IL19: variants seen among roughly 807,000 people sequenced by gnomAD.
The protein encoded by IL19 is interleukin 19.
In IL19, 15 loss-of-function variants were observed where a neutral mutation model predicts 19.5. The observed-to-expected ratio is 0.77, with a 90% CI of 0.52 to 1.19. The LOEUF (loss-of-function observed/expected upper bound fraction) is 1.19, where lower values mean the gene tolerates loss of function less well. Ranked by LOEUF, IL19 falls within the 50% of genes most tolerant of loss-of-function variation. The pLI is 0.00. For missense variants in IL19, 199 were observed against 213.1 expected, an observed-to-expected ratio of 0.93 and a Z score of 0.41; for synonymous variants, 78 against 78.3, an observed-to-expected ratio of 1.00 and a Z score of 0.02.
intron 2 of IL19, among the ~76,000 whole-genome samples, chr1:206,817,443 T>G (rs1050683868): frequency 2.0e-5 from 3 of 152,246 alleles, no homozygotes; most frequent in African/African-American, 7.2e-5. Flanking sequence ...TGTCATTATA[T>G]TGGCTTCTAG....
chr1:206,788,920 C>G (rs1441558101), intron 1 of IL19, among the ~76,000 whole-genome samples: 1 of 152,098 alleles, frequency 6.6e-6, no homozygotes, highest in Non-Finnish European at 1.5e-5. Flanking sequence ...TGTGTGGTGC[C>G]TGTGTGTGTA....
At chr1:206,796,090 A>G (rs1038245269) in intron 1 of IL19, among the ~76,000 whole-genome samples, 2 of 152,054 alleles carry the variant, frequency 1.3e-5, no homozygotes, top group South Asian at 2.1e-4. Flanking sequence ...GGAGAGTCCC[A>G]TGGTCTAGAT....
chr1:206,772,510 T>C lies in IL19; in HGVS notation c.-149+1432T>C, dbSNP rs1013262708. On this transcript the variant is annotated intron_variant, in intron 1 of 6. Coordinates refer to ENST00000659997, the MANE Select transcript of IL19 (RefSeq NM_153758.5). ...CCTGATGTGTAGACCTTCACCTCTC[T>C]GTCCCCCTTTTATATTGTAAGCTCA... The C allele has an allele frequency of 1.8e-5, 25 of 1,360,554 alleles. No individual in the cohort carries two copies. In the Admixed American group the frequency reaches 3.3e-4, roughly 18 times the overall value. The allele number at this position is 1,360,554 out of a possible 1,614,324, so 84.3% of individuals were successfully genotyped here. A position where few individuals can be genotyped will look rare whatever the true frequency, so the allele number is the denominator to read the frequency against.
In IL19 at chr1:206,772,171, G is replaced by A. The variant is rs1674869206; in HGVS notation, c.-149+1093G>A. 13 of 999,792 alleles carry A rather than the reference G, an allele frequency of 1.3e-5. No homozygotes were observed. The South Asian group carries it at 1.6e-4, about 12-fold the overall frequency. The allele number at this position is 999,792 out of a possible 1,614,324, so 61.9% of individuals were successfully genotyped here. On this transcript the variant is annotated intron_variant, in intron 1 of 6. Transcript: ENST00000659997. ...GTTTGGGGGAATAGGTGTTGGGGAT[G>A]GAGGTGGAGGCGCAGGAGGAGGGTT...
rs866121727 is a variant in IL19, at chr1:206,837,837, T to C, written c.210+814T>C. Reference sequence around the variant, plus strand: ...AATGCACTCCAGCCTGGGTGCCAGATTGAGACACCCAAAAAGAATAAAAGA... The same window carrying C: ...AATGCACTCCAGCCTGGGTGCCAGACTGAGACACCCAAAAAGAATAAAAGA... On this transcript the variant is annotated intron_variant, in intron 4 of 6. Transcript: ENST00000659997. 7.2e-5 allele frequency among the ~76,000 whole-genome samples: 11 copies of C among 152,092 alleles called. 1 individual carries two copies. In the Middle Eastern group the frequency reaches 0.014, roughly 188 times the overall value.
In IL19 at chr1:206,813,903, T is replaced by C. The variant is rs137910117; in HGVS notation, c.-3+14897T>C. Among the ~76,000 whole-genome samples, 243 of 152,324 alleles carry C rather than the reference T, an allele frequency of 1.6e-3. 3 individuals are homozygous for C. Among genetic ancestry groups the C allele is most frequent in the African/African-American group, 5.7e-3 (236 of 41,576 alleles). On this transcript the variant is annotated intron_variant, in intron 2 of 6. Coordinates refer to ENST00000659997, the MANE Select transcript of IL19 (RefSeq NM_153758.5). ...CTGAAGAGCAAAAACTGAGGTTTCC[T>C]GGAGGAAGAAGAAATTCTCAAGACT... is the stretch of plus-strand genomic sequence containing the variant.
intron 1 of IL19, among the ~76,000 whole-genome samples, chr1:206,788,767 C>T (rs1185092876): frequency 1.3e-5 from 2 of 152,208 alleles, no homozygotes; most frequent in African/African-American, 4.8e-5. Context: ...CATGTCTCAA[C>T]CTAAGGCAGT....
chr1:206,801,315 C>T (rs544514640), intron 2 of IL19, among the ~76,000 whole-genome samples: 57 of 152,296 alleles, frequency 3.7e-4, no homozygotes, highest in African/African-American at 1.3e-3. Flanking sequence ...CTGGAATGTT[C>T]CTTGGAGATG....
intron 1 of IL19, among the ~76,000 whole-genome samples, chr1:206,794,320 G>A (rs1194006970): frequency 6.6e-6 from 1 of 152,160 alleles, no homozygotes; most frequent in African/African-American, 2.4e-5. Context: ...GGCACTCAAT[G>A]CGTGGTGGTT....
intron 2 of IL19, among the ~76,000 whole-genome samples, chr1:206,820,257 C>G (rs1018478397): frequency 4.6e-5 from 7 of 152,290 alleles, no homozygotes; most frequent in African/African-American, 1.4e-4. Flanking sequence ...GGATGAAGGC[C>G]TGTGGTCGGC....
In IL19 at chr1:206,771,198, T is replaced by C; in HGVS notation, c.-149+120T>C. ...GCCTCCCCGAAGGGACTGAGCCCTT[T>C]GTAAACCCTCTGGCTGCTGGATGTG... On this transcript the variant is annotated intron_variant, in intron 1 of 6. Transcript: ENST00000659997. 3.4e-6 allele frequency: 4 copies of C among 1,187,314 alleles called. 1 individual carries two copies. The South Asian group carries it at 4.9e-5, about 14-fold the overall frequency. The allele number at this position is 1,187,314 out of a possible 1,614,324, so 73.5% of individuals were successfully genotyped here. A position where few individuals can be genotyped will look rare whatever the true frequency, so the allele number is the denominator to read the frequency against.
intron 2 of IL19, among the ~76,000 whole-genome samples, chr1:206,807,069 C>T (rs573116990): frequency 1.3e-5 from 2 of 152,256 alleles, no homozygotes; most frequent in South Asian, 4.1e-4. Context: ...ACATGTCCTT[C>T]TTCATATGGT....
At position 206,840,715 on chromosome 1, in the gene IL19, C is replaced by T. The variant is rs923045941; in HGVS notation, c.364-289C>T. On this transcript the variant is annotated intron_variant, in intron 5 of 6. Transcript: ENST00000659997. The stretch of plus-strand genomic sequence containing the variant: ...TTAACAAATGTTTGTTGAGTGCCTA[C>T]CCTGTGGGATGCAGCACTCAGAGTG... 7 of 390,756 alleles carry T rather than the reference C, an allele frequency of 1.8e-5. No homozygotes were observed. The Admixed American group carries it at 2.7e-4, about 15-fold the overall frequency. 24.2% of individuals were successfully genotyped at this position (390,756 alleles called of 1,614,324 possible).
rs1368957597 is a variant in IL19 at position 206,842,734 on chromosome 1, A to T, written c.*112A>T. The T allele has an allele frequency of 1.6e-6, 1 of 638,992 alleles. No individual in the cohort carries two copies. Among genetic ancestry groups the T allele is most frequent in the East Asian group, 2.8e-5 (1 of 35,330 alleles). 39.6% of individuals were successfully genotyped at this position (638,992 alleles called of 1,614,324 possible). On this transcript the variant is annotated 3_prime_UTR_variant, in exon 7 of 7. Coordinates refer to ENST00000659997, the MANE Select transcript of IL19 (RefSeq NM_153758.5). ...ATGGGGAAGGCCCCTTGCAGCTGAAAGTCCCACTGGCTGGCCTCAGGCTGT... is the reference window on the plus strand; with the variant it reads ...ATGGGGAAGGCCCCTTGCAGCTGAATGTCCCACTGGCTGGCCTCAGGCTGT...
intron 1 of IL19, among the ~76,000 whole-genome samples, chr1:206,783,703 G>C (rs1460017652): frequency 6.6e-6 from 1 of 152,206 alleles, no homozygotes; most frequent in East Asian, 1.9e-4. Flanking sequence ...GATGTGCTCT[G>C]TCTTTGGGCT....
At chr1:206,787,760 C>T (rs1019818343) in intron 1 of IL19, among the ~76,000 whole-genome samples, 1 of 152,188 alleles carries the variant, frequency 6.6e-6, no homozygotes, top group East Asian at 1.9e-4. Flanking sequence ...CCTCTGTGGT[C>T]TTGTCTTTGA....
rs1675427603 is a variant in IL19 at position 206,792,331 on chromosome 1, A to C, written c.-148-6530A>C. Among the ~76,000 whole-genome samples the C allele has an allele frequency of 2.0e-5, 3 of 152,102 alleles. No homozygotes were observed. In the South Asian group the frequency reaches 6.2e-4, roughly 32 times the overall value. ...CCTCATACCCCTCTGCCCCTCCATT[A>C]AAGGCTGTATTTATGAGCAGTGATG... On this transcript the variant is annotated intron_variant, in intron 1 of 6. Coordinates refer to ENST00000659997, the MANE Select transcript of IL19 (RefSeq NM_153758.5).
At chr1:206,816,223 T>C (rs887990173) in intron 2 of IL19, among the ~76,000 whole-genome samples, 1 of 152,190 alleles carries the variant, frequency 6.6e-6, no homozygotes, top group Non-Finnish European at 1.5e-5. Context: ...ATTCTGAATA[T>C]ATGCAAAGAA....
chr1:206,833,850 T>G, intron 2 of IL19: 4 of 985,532 alleles, frequency 4.1e-6, no homozygotes, highest in Non-Finnish European at 4.8e-6. Flanking sequence ...TTCAACAAAA[T>G]GATGCAGGTA....
Sources: allele counts gnomAD v4.1 joint callset (sites outside exome capture counted in the v4.1 genomes callset), GRCh38; gene constraint gnomAD v4.1.1; transcripts MANE v1.5; gene names NCBI Gene and HGNC (gene_info 2026-07-23, HGNC 2026-07-21).